SLC6A11: variants seen among roughly 807,000 people sequenced by gnomAD.
The protein encoded by SLC6A11 is solute carrier family 6 member 11.
A neutral mutation model predicts 74.8 loss-of-function variants in SLC6A11; 25 were observed. That is an observed-to-expected ratio of 0.33 (90% CI 0.24 to 0.47). The LOEUF (loss-of-function observed/expected upper bound fraction) is 0.47. Among genes scored for constraint, SLC6A11 ranks in the 20% least tolerant of loss-of-function variants. The pLI, the probability that SLC6A11 is intolerant of heterozygous loss-of-function variation, is 1.00. For synonymous variants in SLC6A11, 330 were observed against 330.2 expected, an observed-to-expected ratio of 1.00 and a Z score of 0.01; for missense variants, 574 against 837.0, an observed-to-expected ratio of 0.69 and a Z score of 3.88.
In SLC6A11 at chr3:10,933,131, G is replaced by A. The variant is rs1314647027; in HGVS notation, c.1372-20G>A. On this transcript the variant is annotated intron_variant, in intron 10 of 13. Coordinates refer to ENST00000254488, the MANE Select transcript of SLC6A11 (RefSeq NM_014229.3). The stretch of plus-strand genomic sequence containing the variant: ...GTGTCCGTTCACCTCCCATCCGTGT[G>A]TCTGTTCCCCGACCTGCAGGGTGGC... 1.9e-6 allele frequency: 3 copies of A among 1,588,990 alleles called. No homozygotes were observed. Among genetic ancestry groups the A allele is most frequent in the Non-Finnish European group, 2.6e-6 (3 of 1,157,098 alleles).
intron 6 of SLC6A11, among the ~76,000 whole-genome samples, chr3:10,899,518 T>A (rs958249386): frequency 1.3e-5 from 2 of 152,256 alleles, no homozygotes; most frequent in African/African-American, 4.8e-5. Context: ...AAACACTAGC[T>A]CTGAATTCCA....
intron 3 of SLC6A11, among the ~76,000 whole-genome samples, chr3:10,822,867 C>A (rs1376168874): frequency 6.6e-6 from 1 of 152,216 alleles, no homozygotes; most frequent in East Asian, 1.9e-4. Context: ...AGCCCCTTTA[C>A]ACATAAAGTA....
chr3:10,927,219 G>A (rs1399099784), intron 9 of SLC6A11, among the ~76,000 whole-genome samples: 5 of 152,166 alleles, frequency 3.3e-5, no homozygotes, highest in African/African-American at 4.8e-5. Context: ...TTGCTGTTGC[G>A]GGCAGAGGTC....
intron 8 of SLC6A11, among the ~76,000 whole-genome samples, chr3:10,921,897 T>G (rs968891966): frequency 6.6e-6 from 1 of 152,164 alleles, no homozygotes; most frequent in Admixed American, 6.5e-5. Flanking sequence ...CACCTCATAT[T>G]GATAAAAGGG....
rs966451486 is a variant in SLC6A11, at chr3:10,856,647, G to A, written c.756+12301G>A. On this transcript the variant is annotated intron_variant, in intron 5 of 13. Coordinates refer to ENST00000254488, the MANE Select transcript of SLC6A11 (RefSeq NM_014229.3). The stretch of plus-strand genomic sequence containing the variant: ...CTGGTACCCACAGAGTCCTCAACAA[G>A]CATTGGCCCTCCCTCCTTGCCTTGG... Among the ~76,000 whole-genome samples, 4 of 152,200 alleles carry A rather than the reference G, an allele frequency of 2.6e-5. No homozygotes were observed. The East Asian group carries it at 5.8e-4, about 22-fold the overall frequency.
At chr3:10,864,453 T>C (rs1694740358) in intron 5 of SLC6A11, among the ~76,000 whole-genome samples, 1 of 151,736 alleles carries the variant, frequency 6.6e-6, no homozygotes, top group Non-Finnish European at 1.5e-5. Context: ...GCCCCCAAGC[T>C]CCTTCCTCAC....
chr3:10,832,053 C>T (rs1276813993), intron 4 of SLC6A11, among the ~76,000 whole-genome samples: 1 of 152,114 alleles, frequency 6.6e-6, no homozygotes, highest in Non-Finnish European at 1.5e-5. Context: ...AGTCATTTGT[C>T]TTGATATTAG....
At chr3:10,879,062 G>A (rs1242155287) in intron 6 of SLC6A11, among the ~76,000 whole-genome samples, 2 of 152,172 alleles carry the variant, frequency 1.3e-5, no homozygotes, top group South Asian at 4.1e-4. Flanking sequence ...TGAGCTCAAT[G>A]CCTGGTACAC....
intron 4 of SLC6A11, among the ~76,000 whole-genome samples, chr3:10,826,602 G>A (rs1694213014): frequency 6.6e-6 from 1 of 152,224 alleles, no homozygotes; most frequent in African/African-American, 2.4e-5. Flanking sequence ...AGACAGTCAT[G>A]AAGCAGAACC....
intron 6 of SLC6A11, among the ~76,000 whole-genome samples, chr3:10,903,686 G>A (rs1232896350): frequency 6.6e-6 from 1 of 152,190 alleles, no homozygotes; most frequent in Non-Finnish European, 1.5e-5. Context: ...GGGAGGGAAT[G>A]AACGTTGACT....
chr3:10,847,583 T>C (rs1346610517), intron 5 of SLC6A11, among the ~76,000 whole-genome samples: 1 of 151,878 alleles, frequency 6.6e-6, no homozygotes, highest in Non-Finnish European at 1.5e-5. Context: ...GCTCAGAGAG[T>C]GGAAGAGCCT....
At chr3:10,852,092 G>A (rs1479006901) in intron 5 of SLC6A11, among the ~76,000 whole-genome samples, 1 of 152,274 alleles carries the variant, frequency 6.6e-6, no homozygotes, top group Non-Finnish European at 1.5e-5. Context: ...GCAGAGGACA[G>A]GCCCAGGAAA....
At chr3:10,883,147 A>G (rs1406479643) in intron 6 of SLC6A11, among the ~76,000 whole-genome samples, 2 of 152,200 alleles carry the variant, frequency 1.3e-5, no homozygotes, top group Non-Finnish European at 2.9e-5. Context: ...ACTTGAAGCG[A>G]CACAGCAGCT....
chr3:10,925,996 C>A lies in SLC6A11; in HGVS notation c.1121-8C>A. Reference sequence around the variant, plus strand: ...ACCCAGTGGCTTTCTCTCTCTCCCTCGCTCCAGGCCCCGGCCTGGCCTTTA... The same window carrying A: ...ACCCAGTGGCTTTCTCTCTCTCCCTAGCTCCAGGCCCCGGCCTGGCCTTTA... On this transcript the variant is annotated splice_polypyrimidine_tract_variant and splice_region_variant and intron_variant, in intron 8 of 13. Coordinates refer to ENST00000254488, the MANE Select transcript of SLC6A11 (RefSeq NM_014229.3). The A allele has an allele frequency of 6.4e-7, 1 of 1,554,188 alleles. No homozygotes were observed. The highest frequency in any genetic ancestry group is 8.9e-7 in the Non-Finnish European group (1 of 1,128,816).
chr3:10,846,198 T>C (rs992311384), intron 5 of SLC6A11, among the ~76,000 whole-genome samples: 1 of 152,260 alleles, frequency 6.6e-6, no homozygotes, highest in African/African-American at 2.4e-5. Flanking sequence ...AGTCATTGTT[T>C]CTGAGTATTT....
chr3:10,834,134 G>C (rs1007132260), intron 4 of SLC6A11, among the ~76,000 whole-genome samples: 1 of 152,232 alleles, frequency 6.6e-6, no homozygotes, highest in African/African-American at 2.4e-5. Flanking sequence ...GGGCATGAGA[G>C]ATTAAGGGAC....
chr3:10,873,630 C>CTATCCTATCCTATCCTA (rs1694865413), intron 5 of SLC6A11, among the ~76,000 whole-genome samples: 7 of 149,384 alleles, frequency 4.7e-5, no homozygotes, highest in African/African-American at 1.7e-4. Context: ...CTATCCTATC[C>CTATCCTATCCTATCCTA]TGTCCTGTCC....
intron 6 of SLC6A11, among the ~76,000 whole-genome samples, chr3:10,903,297 T>C (rs1406039668): frequency 6.6e-6 from 1 of 152,194 alleles, no homozygotes; most frequent in Non-Finnish European, 1.5e-5. Flanking sequence ...GTAGCTTTTT[T>C]CTGTAAGCTG....
chr3:10,828,543 C>T (rs1454670650), intron 4 of SLC6A11, among the ~76,000 whole-genome samples: 8 of 152,148 alleles, frequency 5.3e-5, no homozygotes, highest in Non-Finnish European at 1.2e-4. Flanking sequence ...CCTATCTTCC[C>T]CTCTGCACAT....
Sources: allele counts gnomAD v4.1 joint callset (sites outside exome capture counted in the v4.1 genomes callset), GRCh38; gene constraint gnomAD v4.1.1; transcripts MANE v1.5; gene names NCBI Gene and HGNC (gene_info 2026-07-23, HGNC 2026-07-21).